The following KDM4C variants were observed in gnomAD, a reference collection of about 807,000 sequenced individuals.
KDM4C encodes the protein lysine demethylase 4C.
A neutral mutation model predicts 129.3 loss-of-function variants in KDM4C; 81 were observed. The observed-to-expected ratio is 0.63, with a 90% CI of 0.52 to 0.75. KDM4C has a LOEUF of 0.75. Among genes scored for constraint, KDM4C ranks in the 30% least tolerant of loss-of-function variants. The pLI, the probability that KDM4C is intolerant of heterozygous loss-of-function variation, is 0.00. For synonymous variants in KDM4C, 573 were observed against 456.1 expected (o/e 1.26, Z -3.26); for missense variants, 1,457 against 1,304.0 (o/e 1.12, Z -1.81).
chr9:6,770,222 A>G (rs1313826347), intron 1 of KDM4C, among the ~76,000 whole-genome samples: 2 of 152,126 alleles, frequency 1.3e-5, no homozygotes, highest in East Asian at 3.9e-4. Context: ...CACCAAAAAA[A>G]AAAAAAGAAC....
At chr9:6,861,292 A>C (rs2130454662) in intron 5 of KDM4C, among the ~76,000 whole-genome samples, 1 of 152,312 alleles carries the variant, frequency 6.6e-6, no homozygotes. Flanking sequence ...GCAGTGGTAC[A>C]TGTATCCTAT....
chr9:6,815,034 A>G (rs1831830511), intron 4 of KDM4C: 1 of 219,352 alleles, frequency 4.6e-6, no homozygotes, highest in Non-Finnish European at 8.9e-6. Flanking sequence ...CATTATAAAA[A>G]TGTTTGGAAA....
chr9:7,101,053 T>C (rs867450918), intron 17 of KDM4C, among the ~76,000 whole-genome samples: 2 of 152,118 alleles, frequency 1.3e-5, no homozygotes, highest in Non-Finnish European at 2.9e-5. Context: ...TATAGTTACG[T>C]AGGGGTTGGG....
At chr9:6,960,355 C>CTGCA (rs972436824) in intron 8 of KDM4C, among the ~76,000 whole-genome samples, 2 of 150,252 alleles carry the variant, frequency 1.3e-5, no homozygotes, top group Non-Finnish European at 2.9e-5. Context: ...TCATAGCTCA[C>CTGCA]TGCAGCCTGG....
intron 1 of KDM4C, among the ~76,000 whole-genome samples, chr9:6,778,588 G>A (rs1823603484): frequency 6.9e-6 from 1 of 145,730 alleles, no homozygotes; most frequent in Admixed American, 7.0e-5. Context: ...CCAACATGGT[G>A]AAACCCCGCC....
chr9:7,005,009 G>A (rs1163475567), intron 12 of KDM4C, among the ~76,000 whole-genome samples: 7 of 152,144 alleles, frequency 4.6e-5, no homozygotes, highest in Admixed American at 2.0e-4. Flanking sequence ...ACCAGCCAGC[G>A]AGACTCACAT....
intron 19 of KDM4C, among the ~76,000 whole-genome samples, chr9:7,157,051 C>T (rs1286194706): frequency 6.6e-6 from 1 of 152,130 alleles, no homozygotes; most frequent in African/African-American, 2.4e-5. Flanking sequence ...TGTAGTTCTC[C>T]TTGAAGAGGT....
At chr9:6,863,721 G>A (rs568841965) in intron 5 of KDM4C, among the ~76,000 whole-genome samples, 8 of 151,362 alleles carry the variant, frequency 5.3e-5, no homozygotes, top group African/African-American at 1.9e-4. Context: ...CGTGAACCTG[G>A]GAGGCAGAGC....
intron 20 of KDM4C, among the ~76,000 whole-genome samples, chr9:7,167,037 CA>C (rs1375315597): frequency 6.6e-6 from 1 of 152,166 alleles, no homozygotes; most frequent in Non-Finnish European, 1.5e-5. Flanking sequence ...ACCTGCTGCA[CA>C]GTGCTTAATA....
At chr9:7,034,074 T>A (rs958967579) in intron 15 of KDM4C, among the ~76,000 whole-genome samples, 22 of 152,250 alleles carry the variant, frequency 1.4e-4, no homozygotes, top group Middle Eastern at 3.4e-3. Context: ...TTGCTTTTCT[T>A]AAAAAATTGT....
In KDM4C at chr9:6,739,913, C is replaced by T. The variant is rs142926467; in HGVS notation, c.49+18916C>T. On this transcript the variant is annotated intron_variant, in intron 1 of 17. Transcript: ENST00000536108. Reference sequence around the variant, plus strand: ...TATTTTTATTTATTTATTTTTGAGACGGAGTCTCACTCTGTTGCCAGGCTG... The same window carrying T: ...TATTTTTATTTATTTATTTTTGAGATGGAGTCTCACTCTGTTGCCAGGCTG... Among the ~76,000 whole-genome samples, 826 of 152,192 alleles carry T rather than the reference C, an allele frequency of 5.4e-3. 4 individuals carry two copies. The highest frequency in any genetic ancestry group is 9.5e-3 in the Non-Finnish European group (643 of 68,008).
At chr9:6,952,405 A>ATGTG (rs201965806) in intron 8 of KDM4C, among the ~76,000 whole-genome samples, 2 of 116,286 alleles carry the variant, frequency 1.7e-5, no homozygotes, top group Admixed American at 8.0e-5. Context: ...CACAGTGTGT[A>ATGTG]TGTGTGTATA....
chr9:7,047,423 GA>G (rs1270864115), intron 16 of KDM4C, among the ~76,000 whole-genome samples: 7 of 149,574 alleles, frequency 4.7e-5, no homozygotes, highest in Admixed American at 2.7e-4. Flanking sequence ...GATTTAAAGG[GA>G]TCAGGTGGAG....
intron 12 of KDM4C, among the ~76,000 whole-genome samples, chr9:7,002,910 G>C (rs12345673): frequency 0.25 from 38,613 of 152,144 alleles, 5,421 homozygotes; most frequent in South Asian, 0.5. Context: ...TGCCAGGCTG[G>C]AGTGCGGTGG....
At chr9:6,732,391 AAAAAAAAAAAGAATG>A (rs1554664152) in intron 1 of KDM4C, among the ~76,000 whole-genome samples, 4 of 127,144 alleles carry the variant, frequency 3.1e-5, no homozygotes, top group African/African-American at 1.3e-4. Flanking sequence ...AAAAAAAAAA[AAAAAAAAAAAGAATG>A]AGGCCGGAAG....
chr9:7,122,624 T>A (rs1380806418), intron 18 of KDM4C, among the ~76,000 whole-genome samples: 1 of 152,220 alleles, frequency 6.6e-6, no homozygotes. Flanking sequence ...CTCATGAATA[T>A]GGACATATGC....
At chr9:7,085,124 A>G (rs533071932) in intron 17 of KDM4C, among the ~76,000 whole-genome samples, 1 of 152,222 alleles carries the variant, frequency 6.6e-6, no homozygotes, top group Non-Finnish European at 1.5e-5. Flanking sequence ...TCAGCACAGC[A>G]GAGTACTGAG....
chr9:6,955,792 T>G (rs1310882184), intron 8 of KDM4C, among the ~76,000 whole-genome samples: 3 of 152,196 alleles, frequency 2.0e-5, no homozygotes. Context: ...GTCTCAGAAT[T>G]TGATGTATTA....
At chr9:6,936,368 A>G (rs978933345) in intron 8 of KDM4C, among the ~76,000 whole-genome samples, 3 of 152,270 alleles carry the variant, frequency 2.0e-5, no homozygotes, top group African/African-American at 7.2e-5. Flanking sequence ...CATGTATACA[A>G]ACAGTATTAC....
Sources: allele counts gnomAD v4.1 joint callset (sites outside exome capture counted in the v4.1 genomes callset), GRCh38; gene constraint gnomAD v4.1.1; transcripts MANE v1.5; gene names NCBI Gene and HGNC (gene_info 2026-07-23, HGNC 2026-07-21).